Variants in SV2B observed in about 807,000 individuals in gnomAD.
SV2B encodes solute carrier family 22 member B2.
A neutral mutation model predicts 73.9 loss-of-function variants in SV2B; 41 were observed. The observed-to-expected ratio is 0.56, with a 90% CI of 0.43 to 0.72. The LOEUF (loss-of-function observed/expected upper bound fraction) is 0.72. Ranked by LOEUF, SV2B falls within the 30% of genes least tolerant of loss-of-function variation. The pLI, the probability that SV2B is intolerant of heterozygous loss-of-function variation, is 0.00. For missense variants in SV2B, 764 were observed against 857.8 expected (o/e 0.89, Z 1.37); for synonymous variants, 314 against 314.2 (o/e 1.00, Z 0.01).
chr15:91,195,325 T>A (rs1231044578), intron 1 of SV2B, among the ~76,000 whole-genome samples: 5 of 152,128 alleles, frequency 3.3e-5, no homozygotes, highest in Non-Finnish European at 7.4e-5. Context: ...GCCCAGCTAA[T>A]TTTTTGTAAC....
At position 91,191,063 on chromosome 15, in the gene SV2B, CTTTTTTT is replaced by C. The variant is rs59849012; in HGVS notation, c.-391-34795_-391-34789del. 2.2e-3 allele frequency among the ~76,000 whole-genome samples: 139 copies of C among 64,240 alleles called. 3 individuals carry two copies. The highest frequency in any genetic ancestry group is 6.1e-3 in the African/African-American group (113 of 18,376). 42.1% of individuals were successfully genotyped at this position (64,240 alleles called of 152,430 possible). On this transcript the variant is annotated intron_variant, in intron 1 of 12. Transcript: ENST00000394232. Reference sequence around the variant, plus strand: ...TACCCTGGTGGTTTTTTTGGTGTTTCTTTTTTTTTTTTTTTTTTTTTGACAGAGTCTT... The same window carrying C: ...TACCCTGGTGGTTTTTTTGGTGTTTCTTTTTTTTTTTTTTGACAGAGTCTT...
intron 1 of SV2B, among the ~76,000 whole-genome samples, chr15:91,127,330 C>T (rs1425412398): frequency 1.3e-5 from 2 of 152,092 alleles, no homozygotes; most frequent in Admixed American, 6.5e-5. Context: ...TTGAGATACT[C>T]TAATTAACGG....
At chr15:91,177,158 C>G (rs1216449007) in intron 1 of SV2B, among the ~76,000 whole-genome samples, 1 of 151,740 alleles carries the variant, frequency 6.6e-6, no homozygotes, top group East Asian at 1.9e-4. Flanking sequence ...AATCCTTTCC[C>G]CATTGCTTGT....
intron 1 of SV2B, among the ~76,000 whole-genome samples, chr15:91,126,090 G>C (rs2042474099): frequency 6.6e-6 from 1 of 152,116 alleles, no homozygotes; most frequent in Admixed American, 6.5e-5. Context: ...AGTATGCAAA[G>C]AAAAAGGAGC....
intron 1 of SV2B, among the ~76,000 whole-genome samples, chr15:91,211,205 T>C (rs542541739): frequency 6.6e-6 from 1 of 152,224 alleles, no homozygotes; most frequent in Non-Finnish European, 1.5e-5. Flanking sequence ...AGAGCTGTGC[T>C]AAGGCAGTGC....
chr15:91,188,287 A>T (rs1245878619), intron 1 of SV2B, among the ~76,000 whole-genome samples: 14 of 28,200 alleles, frequency 5.0e-4, no homozygotes, highest in East Asian at 2.5e-3. Flanking sequence ...CCTTATTTTT[A>T]TTTATTTATT....
At chr15:91,217,491 C>T (rs2046074079) in intron 1 of SV2B, among the ~76,000 whole-genome samples, 1 of 152,032 alleles carries the variant, frequency 6.6e-6, no homozygotes, top group South Asian at 2.1e-4. Flanking sequence ...GTGCAGCACA[C>T]CAACATGGCA....
At chr15:91,183,973 A>T (rs957019673) in intron 1 of SV2B, among the ~76,000 whole-genome samples, 3 of 152,042 alleles carry the variant, frequency 2.0e-5, no homozygotes, top group African/African-American at 7.2e-5. Flanking sequence ...GGACAAAAAA[A>T]ACTGCAGTAT....
In SV2B at chr15:91,299,190, A is replaced by G. The variant is rs2049355513; in HGVS notation, c.*6638A>G. The G allele has an allele frequency of 6.6e-6, 1 of 152,162 alleles. No homozygotes were observed. Among genetic ancestry groups the G allele is most frequent in the Non-Finnish European group, 1.5e-5 (1 of 68,022 alleles). The allele number at this position is 152,162 out of a possible 1,614,324, so 9.4% of individuals were successfully genotyped here. ...AAAACTATAAATAAAGTGGCTTTCC[A>G]GAAAAATTAGATATTGGACTCTATC... On this transcript the variant is annotated 3_prime_UTR_variant, in exon 13 of 13. Transcript: ENST00000394232.
At chr15:91,212,389 C>T (rs1444506391) in intron 1 of SV2B, among the ~76,000 whole-genome samples, 1 of 152,124 alleles carries the variant, frequency 6.6e-6, no homozygotes, top group African/African-American at 2.4e-5. Context: ...TCCTTCCTAC[C>T]TATGTCTGCT....
chr15:91,230,942 T>G lies in SV2B; in HGVS notation c.451+4228T>G, dbSNP rs114426883. Among the ~76,000 whole-genome samples, 808 of 152,252 alleles carry G rather than the reference T, an allele frequency of 5.3e-3. 7 individuals are homozygous for G. The highest frequency in any genetic ancestry group is 0.018 in the African/African-American group (758 of 41,548). ...GGGATAGAGCTTGAGGTTGATGGGC[T>G]GGGGGGCGTTCTGGAGTTAGGTGAT... On this transcript the variant is annotated intron_variant, in intron 2 of 12. Transcript: ENST00000394232.
At chr15:91,111,031 T>G (rs2042020785) in intron 1 of SV2B, among the ~76,000 whole-genome samples, 2 of 152,016 alleles carry the variant, frequency 1.3e-5, no homozygotes, top group South Asian at 4.2e-4. Flanking sequence ...CTATTTCCCA[T>G]GATGGATAAG....
At chr15:91,144,900 T>G (rs1433941907) in intron 1 of SV2B, among the ~76,000 whole-genome samples, 1 of 152,076 alleles carries the variant, frequency 6.6e-6, no homozygotes, top group African/African-American at 2.4e-5. Context: ...AGAACTGTTT[T>G]TTTTTTTTTT....
intron 1 of SV2B, among the ~76,000 whole-genome samples, chr15:91,183,178 G>T (rs1361614354): frequency 3.3e-5 from 5 of 152,230 alleles, no homozygotes; most frequent in African/African-American, 1.2e-4. Context: ...TGGCTTTTGA[G>T]TTGAGAGCTG....
chr15:91,122,602 T>A lies in SV2B; in HGVS notation c.-392+22239T>A, dbSNP rs1342117147. Among the ~76,000 whole-genome samples, 1 of 152,220 alleles carries A rather than the reference T, an allele frequency of 6.6e-6. No individual in the cohort carries two copies. The highest frequency in any genetic ancestry group is 1.5e-5 in the Non-Finnish European group (1 of 68,028). ...CTAGTGACTGCTTTGTCTGAGTGAT[T>A]TAACAAAACTGGACGTTCCATTAAG... On this transcript the variant is annotated intron_variant, in intron 1 of 12. Transcript: ENST00000394232. The surrounding 1 kb of genome is among the most constrained non-coding windows in gnomAD (Gnocchi z 4.3).
intron 1 of SV2B, among the ~76,000 whole-genome samples, chr15:91,166,068 A>G (rs2043901042): frequency 6.6e-6 from 1 of 152,156 alleles, no homozygotes; most frequent in Admixed American, 6.5e-5. Flanking sequence ...CTTGTGAGAA[A>G]TCTGCAGTCA....
At chr15:91,277,158 T>G (rs1026023626) in intron 9 of SV2B, among the ~76,000 whole-genome samples, 4 of 152,210 alleles carry the variant, frequency 2.6e-5, no homozygotes, top group Admixed American at 2.6e-4. Flanking sequence ...TGTCTTGTAA[T>G]GTTGGGTTGC....
intron 1 of SV2B, among the ~76,000 whole-genome samples, chr15:91,211,801 CTTTTT>C (rs775815258): frequency 9.4e-6 from 1 of 105,994 alleles, no homozygotes; most frequent in South Asian, 2.9e-4. Context: ...CTCGCCTGGG[CTTTTT>C]TTTTTTTTTT....
chr15:91,274,100 C>A lies in SV2B; in HGVS notation c.1373+5495C>A, dbSNP rs138432890. The stretch of plus-strand genomic sequence containing the variant: ...TTTATATGCATATTTCATAATGTAT[C>A]CATCTGTTCTCCTTTTGAGGGACAT... On this transcript the variant is annotated intron_variant, in intron 9 of 12. Coordinates refer to ENST00000394232, the MANE Select transcript of SV2B (RefSeq NM_001323032.3). Among the ~76,000 whole-genome samples, 39 of 152,166 alleles carry A rather than the reference C, an allele frequency of 2.6e-4. 1 individual carries two copies. In the East Asian group the frequency reaches 7.1e-3, roughly 28 times the overall value.
Sources: allele counts gnomAD v4.1 joint callset (sites outside exome capture counted in the v4.1 genomes callset), GRCh38; gene constraint gnomAD v4.1.1; non-coding constraint Gnocchi (gnomAD v3.1); transcripts MANE v1.5; gene names NCBI Gene and HGNC (gene_info 2026-07-23, HGNC 2026-07-21).